Variants in VAMP3 observed in about 807,000 individuals in gnomAD.
VAMP3 encodes vesicle associated membrane protein 3, also known as vesicle-associated membrane protein 3.
A neutral mutation model predicts 18.1 loss-of-function variants in VAMP3; 11 were observed. The observed-to-expected ratio is 0.61, with a 90% CI of 0.38 to 1.00. VAMP3 has a LOEUF of 1.00. Ranked by LOEUF, VAMP3 falls within the 50% of genes least tolerant of loss-of-function variation. The pLI is 0.01. For missense variants in VAMP3, 122 were observed against 127.3 expected, an observed-to-expected ratio of 0.96 and a Z score of 0.20; for synonymous variants, 49 against 43.1, an observed-to-expected ratio of 1.14 and a Z score of -0.53.
In VAMP3 at chr1:7,773,485, C is replaced by G; in HGVS notation, c.46C>G (p.Gln16Glu). The G allele has an allele frequency of 6.2e-7, 1 of 1,614,068 alleles. No individual in the cohort carries two copies. Among genetic ancestry groups the G allele is most frequent in the Non-Finnish European group, 8.5e-7 (1 of 1,179,996 alleles). ...TAATGSNRRL[Q>E]QTQNQVDEVV... is the part of the protein sequence containing the mutation. The stretch of plus-strand genomic sequence containing the variant: ...TGCCACTGGCAGTAATCGAAGACTT[C>G]AGCAGACACAAAATCAAGTAGATGA... Residue 16 changes from glutamine (Q) to glutamate (E), a missense_variant, in exon 2 of 5, where the codon CAG becomes GAG. Gln to Glu is a conservative substitution (Grantham distance 29). Coordinates refer to ENST00000054666, the MANE Select transcript of VAMP3 (RefSeq NM_004781.4).
At chr1:7,773,312 ATTTC>A (rs1317458499) in intron 1 of VAMP3, 126 bp from the exon 2 acceptor site, 3 of 708,536 alleles carry the variant, frequency 4.2e-6, no homozygotes, top group Non-Finnish European at 7.0e-6. Flanking sequence ...TTCAGGAAGA[ATTTC>A]TTTTTCTGTT....
In VAMP3 at chr1:7,773,413, ACTCATG is replaced by A. The variant is rs776122478; in HGVS notation, c.3-21_3-16del. 5.0e-5 allele frequency: 80 copies of A among 1,588,670 alleles called. No individual in the cohort carries two copies. The Middle Eastern group carries it at 1.0e-3, about 20-fold the overall frequency. ...GAAAATGTATTTGGAATCGTAATGTACTCATGCTCATGCCTTTACATGTTCCAGGTC... is the reference window on the plus strand; with the variant it reads ...GAAAATGTATTTGGAATCGTAATGTACTCATGCCTTTACATGTTCCAGGTC... On this transcript the variant is annotated intron_variant, in intron 1 of 4. Transcript: ENST00000054666.
Position 7,779,850 on chromosome 1 carries a change from C to A in VAMP3, c.*205C>A, listed in dbSNP as rs947654935. 2 of 622,572 alleles carry A rather than the reference C, an allele frequency of 3.2e-6. No individual in the cohort carries two copies. The allele number at this position is 622,572 out of a possible 1,614,324, so 38.6% of individuals were successfully genotyped here. ...GGCCCCGTCCACATTTTGCACAGTG[C>A]CTTTACAGATTTACGTATGGGCTGA... On this transcript the variant is annotated 3_prime_UTR_variant, in exon 5 of 5. Transcript: ENST00000054666.
intron 2 of VAMP3, among the ~76,000 whole-genome samples, chr1:7,774,216 C>T (rs1577563980): frequency 6.6e-6 from 1 of 152,186 alleles, no homozygotes; most frequent in South Asian, 2.1e-4. Context: ...ATGTCAGATA[C>T]TGTTGTTAAA....
chr1:7,777,135 A>T (rs777819968), intron 2 of VAMP3, 25 bp from the exon 3 acceptor site: 6 of 1,586,836 alleles, frequency 3.8e-6, no homozygotes, highest in Non-Finnish European at 5.2e-6. Context: ...TTTGTGCATT[A>T]CTTGCTGTGA....
intron 2 of VAMP3, among the ~76,000 whole-genome samples, chr1:7,775,907 A>G (rs910516561): frequency 6.6e-6 from 1 of 152,194 alleles, no homozygotes; most frequent in African/African-American, 2.4e-5. Context: ...TGGCTCTTCA[A>G]TTGGCCCAGC....
At chr1:7,773,670 T>A (rs1169121900) in intron 2 of VAMP3, among the ~76,000 whole-genome samples, 159 bp downstream of exon 2, 1 of 152,226 alleles carries the variant, frequency 6.6e-6, no homozygotes, top group Admixed American at 6.5e-5. Flanking sequence ...GAAGATCTAA[T>A]CTAAGCAAAA....
At chr1:7,777,383 C>A in intron 3 of VAMP3, 65 bp downstream of exon 3, 1 of 1,528,982 alleles carries the variant, frequency 6.5e-7, no homozygotes, top group Non-Finnish European at 8.8e-7. Flanking sequence ...AATTAACAGG[C>A]TACAGATAAT....
At chr1:7,778,349 G>GGCAA (rs1159449007) in intron 4 of VAMP3, among the ~76,000 whole-genome samples, 180 bp downstream of exon 4, 1 of 152,020 alleles carries the variant, frequency 6.6e-6, no homozygotes, top group Non-Finnish European at 1.5e-5. Context: ...GACCAGCCTG[G>GGCAA]GCAACATAGC....
chr1:7,773,396 A>G (rs2097052407), intron 1 of VAMP3, 46 bp from the exon 2 acceptor site: 1 of 1,499,134 alleles, frequency 6.7e-7, no homozygotes, highest in Non-Finnish European at 9.3e-7. Flanking sequence ...AAGAAAATGT[A>G]TTTGGAATCG....
At chr1:7,771,657 CT>C in intron 1 of VAMP3, among the ~76,000 whole-genome samples, 2 of 152,348 alleles carry the variant, frequency 1.3e-5, no homozygotes, top group Middle Eastern at 3.4e-3. Context: ...CCGCAGCCCG[CT>C]CCTCGCCCCT....
chr1:7,775,950 C>T (rs1012378950), intron 2 of VAMP3, among the ~76,000 whole-genome samples: 4 of 152,200 alleles, frequency 2.6e-5, no homozygotes, highest in Admixed American at 1.3e-4. Flanking sequence ...GGATGGCCTT[C>T]GCACTCTTGT....
At chr1:7,779,172 G>A (rs907631847) in intron 4 of VAMP3, among the ~76,000 whole-genome samples, 4 of 152,090 alleles carry the variant, frequency 2.6e-5, no homozygotes, top group Non-Finnish European at 4.4e-5. Flanking sequence ...TCCAGCCTAG[G>A]TGACAGAGCA....
rs553625650 is a variant in VAMP3, at chr1:7,778,119, T to C, written c.233T>C (p.Met78Thr). The part of the protein sequence containing the change: ...KRKYWWKNCK[M>T]WAIGITVLVI... ...ATATGGACATATGTTTTGTTACAGA[T>C]GTGGGCAATCGGGATTACTGTTCTG... The change falls in exon 4 of 5, where the codon ATG (methionine) becomes ACG (threonine). Residue 78 changes from methionine (M) to threonine (T), a missense_variant and splice_region_variant. Physicochemically the swap from Met to Thr is moderately conservative, Grantham distance 81. Transcript: ENST00000054666. The C allele has an allele frequency of 1.2e-6, 2 of 1,614,212 alleles. No homozygotes were observed. Among genetic ancestry groups the C allele is most frequent in the Non-Finnish European group, 1.7e-6 (2 of 1,180,034 alleles).
intron 4 of VAMP3, among the ~76,000 whole-genome samples, chr1:7,778,468 A>G (rs936027376): frequency 1.3e-5 from 2 of 152,106 alleles, no homozygotes; most frequent in South Asian, 2.1e-4. Flanking sequence ...CAGGAATTCA[A>G]GGCTGCAGTG....
chr1:7,775,792 T>G (rs1390502484), intron 2 of VAMP3, among the ~76,000 whole-genome samples: 1 of 152,200 alleles, frequency 6.6e-6, no homozygotes, highest in East Asian at 1.9e-4. Flanking sequence ...TGTTTTCTTC[T>G]AAGAGTTTTA....
In VAMP3 at chr1:7,780,214, ATTG is replaced by A. The variant is rs767558108; in HGVS notation, c.*575_*577del. ...TTGCATTAGATTTGAAGATGTTTAC[ATTG>A]TTGTTATTGTTATGTATCACTTGCT... On this transcript the variant is annotated 3_prime_UTR_variant, in exon 5 of 5. Transcript: ENST00000054666. 2 of 153,042 alleles carry A rather than the reference ATTG, an allele frequency of 1.3e-5. No individual in the cohort carries two copies. Among genetic ancestry groups the A allele is most frequent in the Admixed American group, 6.5e-5 (1 of 15,294 alleles). The allele number at this position is 153,042 out of a possible 1,614,324, so 9.5% of individuals were successfully genotyped here. A position where few individuals can be genotyped will look rare whatever the true frequency, so the allele number is the denominator to read the frequency against.
intron 2 of VAMP3, among the ~76,000 whole-genome samples, chr1:7,774,990 C>T (rs1045288705): frequency 3.9e-5 from 6 of 152,212 alleles, no homozygotes; most frequent in African/African-American, 1.4e-4. Flanking sequence ...TTGTTTTCCA[C>T]AATAGCTGCA....
At chr1:7,772,229 A>G (rs707459) in intron 1 of VAMP3, among the ~76,000 whole-genome samples, 1 of 152,188 alleles carries the variant, frequency 6.6e-6, no homozygotes, top group African/African-American at 2.4e-5. Flanking sequence ...AAGGAGGAAA[A>G]GCATGGAAAG....
Sources: allele counts gnomAD v4.1 joint callset (sites outside exome capture counted in the v4.1 genomes callset), GRCh38; gene constraint gnomAD v4.1.1; transcripts MANE v1.5; gene names NCBI Gene and HGNC (gene_info 2026-07-23, HGNC 2026-07-21).